Variants in AFDN observed in about 807,000 individuals in gnomAD.
AFDN encodes afadin.
In AFDN, 68 loss-of-function variants were observed where a neutral mutation model predicts 216.6. The observed-to-expected ratio is 0.31, with a 90% CI of 0.26 to 0.38. The LOEUF (loss-of-function observed/expected upper bound fraction) is 0.38, where lower values mean the gene tolerates loss of function less well. Among genes scored for constraint, AFDN ranks in the 10% least tolerant of loss-of-function variants. The probability of loss-of-function intolerance (pLI) is 1.00; values close to 1 mark genes in which losing one functional copy is unlikely to be tolerated. For missense variants in AFDN, 2,136 were observed against 2,342.0 expected, an observed-to-expected ratio of 0.91 and a Z score of 1.82; for synonymous variants, 868 against 853.7, an observed-to-expected ratio of 1.02 and a Z score of -0.29.
Position 167,970,654 on chromosome 6 carries a change from A to G in AFDN, c.*719A>G, listed in dbSNP as rs531363199. 1 of 209,344 alleles carries G rather than the reference A, an allele frequency of 4.8e-6. No homozygotes were observed. The highest frequency in any genetic ancestry group is 9.7e-6 in the Non-Finnish European group (1 of 103,132). The allele number at this position is 209,344 out of a possible 1,614,324, so 13.0% of individuals were successfully genotyped here. A position where few individuals can be genotyped will look rare whatever the true frequency, so the allele number is the denominator to read the frequency against. On this transcript the variant is annotated 3_prime_UTR_variant, in exon 34 of 34. Coordinates refer to ENST00000683244, the MANE Select transcript of AFDN (RefSeq NM_001386888.1). ...AATTTTGAGGATTTAAGCTTAGGGG[A>G]TTTTATTTTTATAAATACCAGATTA... is the stretch of plus-strand genomic sequence containing the variant.
chr6:167,946,087 A>AAACCTCGTGTGGT (rs1380473562), intron 26 of AFDN, among the ~76,000 whole-genome samples: 20 of 152,220 alleles, frequency 1.3e-4, no homozygotes, highest in Admixed American at 1.3e-3. Context: ...CAGCTCAACA[A>AAACCTCGTGTGGT]AACCTCGTGT....
intron 9 of AFDN, among the ~76,000 whole-genome samples, chr6:167,894,153 A>G (rs2285241): frequency 0.3 from 46,130 of 151,980 alleles, 8,061 homozygotes; most frequent in East Asian, 0.6. Flanking sequence ...GAAGGAACTG[A>G]AGGCAAAAGC....
intron 29 of AFDN, among the ~76,000 whole-genome samples, chr6:167,950,055 C>A (rs140343865): frequency 6.6e-6 from 1 of 152,164 alleles, no homozygotes; most frequent in African/African-American, 2.4e-5. Flanking sequence ...GGCACAGTCT[C>A]TGTTTTTATG....
At chr6:167,921,090 T>C (rs1376137769) in intron 21 of AFDN, among the ~76,000 whole-genome samples, 4 of 152,266 alleles carry the variant, frequency 2.6e-5, no homozygotes, top group Non-Finnish European at 4.4e-5. Flanking sequence ...TGTTCAGTGC[T>C]CAGTAACTGT....
intron 30 of AFDN, chr6:167,952,637 A>T (rs1466924382): frequency 3.8e-6 from 1 of 265,620 alleles, no homozygotes; most frequent in Non-Finnish European, 5.8e-6. Context: ...CCACAGGCAC[A>T]AGTAAACACA....
chr6:167,933,061 G>T (rs978240950), intron 23 of AFDN, among the ~76,000 whole-genome samples: 15 of 152,232 alleles, frequency 9.9e-5, no homozygotes, highest in African/African-American at 3.6e-4. Context: ...TATGATAACT[G>T]CCGCTATGTA....
At chr6:167,827,630 C>G (rs1226234335) in intron 1 of AFDN, 3 of 150,110 alleles carry the variant, frequency 2.0e-5, no homozygotes, top group Non-Finnish European at 4.5e-5. Context: ...ACCTGCAGCC[C>G]GGTTGTGGCT....
chr6:167,912,208 A>T (rs969285739), intron 15 of AFDN: 1 of 152,252 alleles, frequency 6.6e-6, no homozygotes, highest in Non-Finnish European at 1.5e-5. Context: ...TCTACAGTTG[A>T]TAAAATTTTC....
At chr6:167,950,449 C>A (rs1301243298) in intron 29 of AFDN, among the ~76,000 whole-genome samples, 1 of 152,022 alleles carries the variant, frequency 6.6e-6, no homozygotes, top group Non-Finnish European at 1.5e-5. Flanking sequence ...CTCACAGACA[C>A]ACACACACAT....
At chr6:167,921,547 T>G (rs1198237131) in intron 21 of AFDN, among the ~76,000 whole-genome samples, 2 of 152,208 alleles carry the variant, frequency 1.3e-5, no homozygotes, top group African/African-American at 4.8e-5. Context: ...TACAATACAG[T>G]TCTGTGAGAA....
chr6:167,869,458 C>T (rs1358438050), intron 2 of AFDN, among the ~76,000 whole-genome samples: 3 of 152,158 alleles, frequency 2.0e-5, no homozygotes, highest in African/African-American at 7.2e-5. Context: ...AGCACTGGCT[C>T]AAAGAACAGT....
chr6:167,829,338 A>G (rs1269894250), intron 1 of AFDN, among the ~76,000 whole-genome samples: 1 of 152,158 alleles, frequency 6.6e-6, no homozygotes, highest in Non-Finnish European at 1.5e-5. Context: ...TGCATTTAAC[A>G]TATTGTATCT....
chr6:167,932,298 C>T (rs1793410330), intron 23 of AFDN, among the ~76,000 whole-genome samples: 1 of 152,094 alleles, frequency 6.6e-6, no homozygotes, highest in South Asian at 2.1e-4. Flanking sequence ...GCCTTCCACA[C>T]GGTGGTTAAG....
chr6:167,873,575 G>A (rs528044390), intron 4 of AFDN, among the ~76,000 whole-genome samples: 1 of 152,166 alleles, frequency 6.6e-6, no homozygotes, highest in Non-Finnish European at 1.5e-5. Flanking sequence ...TAGAAGAATG[G>A]TTGGGTGACA....
Position 167,896,943 on chromosome 6 carries a change from A to T in AFDN, c.1288A>T (p.Thr430Ser), listed in dbSNP as rs771458336. The T allele has an allele frequency of 6.2e-7, 1 of 1,613,536 alleles. No homozygotes were observed. Among genetic ancestry groups the T allele is most frequent in the Non-Finnish European group, 8.5e-7 (1 of 1,179,482 alleles). Residue 430 changes from threonine to serine, a missense_variant, in exon 10 of 34, where the codon ACA becomes TCA. Around this residue, in one of 8 missense-constraint regions of AFDN, gnomAD observed 817 missense variants for 965.7 expected, o/e 0.85. Coordinates refer to ENST00000683244, the MANE Select transcript of AFDN (RefSeq NM_001386888.1). ...RLQLSVTEVG[T>S]EKLDDNSIQL... ...TCAGTTAAGTGTTACTGAAGTTGGG[A>T]CAGAAAAGTTGGATGACAACTCTAT...
At chr6:167,923,024 T>A in intron 22 of AFDN, 65 bp downstream of exon 22, 1 of 1,180,512 alleles carries the variant, frequency 8.5e-7, no homozygotes, top group South Asian at 1.3e-5. Context: ...TGATGCAGAT[T>A]TGTTTCTTTC....
chr6:167,949,862 AAAC>A (rs1321263247), intron 29 of AFDN, among the ~76,000 whole-genome samples: 1 of 150,670 alleles, frequency 6.6e-6, no homozygotes, highest in African/African-American at 2.4e-5. Context: ...TCACATGGAT[AAAC>A]AATACCTAGA....
chr6:167,961,984 G>T (rs953335740), intron 30 of AFDN, among the ~76,000 whole-genome samples: 1 of 152,164 alleles, frequency 6.6e-6, no homozygotes, highest in African/African-American at 2.4e-5. Flanking sequence ...AGGCGAGTGG[G>T]GGCCTCCCTC....
intron 12 of AFDN, 63 bp downstream of exon 12, chr6:167,902,449 G>C: frequency 8.4e-7 from 1 of 1,193,278 alleles, no homozygotes; most frequent in Admixed American, 1.7e-5. Flanking sequence ...GATGAATACA[G>C]TAGTGGTGGG....
Sources: allele counts gnomAD v4.1 joint callset (sites outside exome capture counted in the v4.1 genomes callset), GRCh38; gene constraint gnomAD v4.1.1; regional missense constraint gnomAD v4.1.1; transcripts MANE v1.5; gene names NCBI Gene and HGNC (gene_info 2026-07-23, HGNC 2026-07-21).